SLC25A21: variants seen among roughly 807,000 people sequenced by gnomAD.
SLC25A21 encodes mitochondrial 2-oxodicarboxylate carrier.
Under a neutral mutation model 43.8 loss-of-function variants are expected in SLC25A21, and 47 were observed. The observed-to-expected ratio is 1.07, with a 90% CI of 0.85 to 1.37. The LOEUF is 1.37. Among genes scored for constraint, SLC25A21 ranks in the 40% most tolerant of loss-of-function variants. The pLI, the probability that SLC25A21 is intolerant of heterozygous loss-of-function variation, is 0.00. For synonymous variants in SLC25A21, 131 were observed against 121.3 expected, an observed-to-expected ratio of 1.08 and a Z score of -0.52; for missense variants, 352 against 350.2, an observed-to-expected ratio of 1.00 and a Z score of -0.04.
intron 1 of SLC25A21, among the ~76,000 whole-genome samples, chr14:37,080,730 T>A: frequency 6.6e-6 from 1 of 152,224 alleles, no homozygotes; most frequent in East Asian, 1.9e-4. Flanking sequence ...CATGATCAGC[T>A]GTATACTTAT....
intron 1 of SLC25A21, among the ~76,000 whole-genome samples, chr14:37,008,623 T>C (rs1460906813): frequency 6.6e-6 from 1 of 152,158 alleles, no homozygotes; most frequent in East Asian, 1.9e-4. Context: ...AAGCACCCCA[T>C]AATTTTAACC....
At chr14:36,961,422 GT>G (rs1233292194) in intron 1 of SLC25A21, among the ~76,000 whole-genome samples, 1 of 152,098 alleles carries the variant, frequency 6.6e-6, no homozygotes, top group Non-Finnish European at 1.5e-5. Context: ...CGCCGTACGT[GT>G]TTTTAATGAA....
chr14:36,892,024 A>G (rs1048095005), intron 1 of SLC25A21, among the ~76,000 whole-genome samples: 7 of 152,160 alleles, frequency 4.6e-5, no homozygotes, highest in African/African-American at 9.6e-5. Context: ...GTGGTTAAGC[A>G]TTACCCTGAT....
At chr14:36,872,781 AAAAGATAT>A (rs1476592356) in intron 2 of SLC25A21, among the ~76,000 whole-genome samples, 1 of 152,230 alleles carries the variant, frequency 6.6e-6, no homozygotes, top group African/African-American at 2.4e-5. Flanking sequence ...TATGTAACAA[AAAAGATAT>A]AAAGCCCCAG....
At chr14:37,104,579 C>T (rs1325388405) in intron 1 of SLC25A21, among the ~76,000 whole-genome samples, 2 of 152,094 alleles carry the variant, frequency 1.3e-5, no homozygotes, top group Non-Finnish European at 2.9e-5. Flanking sequence ...ATTACTATGG[C>T]CCGTGGCACA....
intron 1 of SLC25A21, among the ~76,000 whole-genome samples, chr14:36,973,583 G>A (rs1342126915): frequency 3.3e-5 from 5 of 152,256 alleles, no homozygotes; most frequent in African/African-American, 1.2e-4. Context: ...GAGCTCAAGA[G>A]AGAGGCTGGG....
intron 1 of SLC25A21, among the ~76,000 whole-genome samples, chr14:37,032,913 G>A (rs997398014): frequency 6.6e-6 from 1 of 152,126 alleles, no homozygotes; most frequent in African/African-American, 2.4e-5. Context: ...CTGTTACAAT[G>A]AAGAGTAAAC....
chr14:37,023,043 A>G (rs1566822464), intron 1 of SLC25A21, among the ~76,000 whole-genome samples: 2 of 151,962 alleles, frequency 1.3e-5, no homozygotes, highest in Admixed American at 6.6e-5. Context: ...TCAACACAAC[A>G]CAACTCTCAA....
intron 1 of SLC25A21, among the ~76,000 whole-genome samples, chr14:37,104,244 G>C (rs1347715896): frequency 1.3e-5 from 2 of 152,150 alleles, no homozygotes; most frequent in Non-Finnish European, 2.9e-5. Flanking sequence ...AAGGGAGCTT[G>C]TTCACCCCTT....
chr14:37,128,435 T>C (rs758197471), intron 1 of SLC25A21, among the ~76,000 whole-genome samples: 1 of 152,154 alleles, frequency 6.6e-6, no homozygotes, highest in Non-Finnish European at 1.5e-5. Flanking sequence ...GTTATTTCGA[T>C]GTGTTAATAC....
Position 36,679,865 on chromosome 14 carries a change from G to A in SLC25A21, c.*793C>T. The A allele has an allele frequency of 1.0e-6, 1 of 981,996 alleles. No individual in the cohort carries two copies. Among genetic ancestry groups the A allele is most frequent in the Non-Finnish European group, 1.2e-6 (1 of 826,874 alleles). 60.8% of individuals were successfully genotyped at this position (981,996 alleles called of 1,614,324 possible). A position where few individuals can be genotyped will look rare whatever the true frequency, so the allele number is the denominator to read the frequency against. On this transcript the variant is annotated 3_prime_UTR_variant, in exon 10 of 10. Transcript: ENST00000331299. ...CATCAACAAAACTTATCTTCAAAGAGAACTATGTGGAGGAAAGTAAATTTT... is the reference window on the plus strand; with the variant it reads ...CATCAACAAAACTTATCTTCAAAGAAAACTATGTGGAGGAAAGTAAATTTT...
chr14:36,807,974 T>C (rs534671655), intron 3 of SLC25A21, among the ~76,000 whole-genome samples: 1 of 152,198 alleles, frequency 6.6e-6, no homozygotes, highest in Non-Finnish European at 1.5e-5. Flanking sequence ...AAATGTCATT[T>C]AACTAGAAAA....
chr14:36,780,219 T>C (rs559439612), intron 3 of SLC25A21, among the ~76,000 whole-genome samples: 1 of 151,998 alleles, frequency 6.6e-6, no homozygotes, highest in Non-Finnish European at 1.5e-5. Context: ...TTTTGAGTCA[T>C]CTCTTATTTT....
chr14:36,849,180 T>C (rs541744845), intron 2 of SLC25A21, among the ~76,000 whole-genome samples: 1 of 152,220 alleles, frequency 6.6e-6, no homozygotes, highest in Non-Finnish European at 1.5e-5. Flanking sequence ...TGTGGGAGTT[T>C]GAGTTTGCTA....
rs186798339 is a variant in SLC25A21, at chr14:36,907,844, T to C, written c.71-32840A>G. Among the ~76,000 whole-genome samples, 237 of 152,330 alleles carry C rather than the reference T, an allele frequency of 1.6e-3. 1 individual carries two copies. The highest frequency in any genetic ancestry group is 5.4e-3 in the African/African-American group (224 of 41,588). ...AAAATATTTGTATTAGGGCAGCACATTGAAATAAGGTACAGTTCAAGGAAT... is the reference window on the plus strand; with the variant it reads ...AAAATATTTGTATTAGGGCAGCACACTGAAATAAGGTACAGTTCAAGGAAT... On this transcript the variant is annotated intron_variant, in intron 1 of 9. Transcript: ENST00000331299.
At chr14:36,712,696 A>G (rs752478232) in intron 6 of SLC25A21, among the ~76,000 whole-genome samples, 16 of 152,336 alleles carry the variant, frequency 1.1e-4, no homozygotes, top group Non-Finnish European at 8.8e-5. Context: ...AATTACAATC[A>G]ATTACAATAA....
At position 37,102,005 on chromosome 14, in the gene SLC25A21, C is replaced by A. The variant is rs114651599; in HGVS notation, c.70+70276G>T. 5.0e-3 allele frequency among the ~76,000 whole-genome samples: 763 copies of A among 152,232 alleles called. 7 individuals are homozygous for A. The highest frequency in any genetic ancestry group is 0.017 in the African/African-American group (713 of 41,518). ...GTTTCACAAATATCATGCTGCATCA[C>A]ATGAGTTAATGAACATAAAAATAAC... On this transcript the variant is annotated intron_variant, in intron 1 of 9. Coordinates refer to ENST00000331299, the MANE Select transcript of SLC25A21 (RefSeq NM_030631.4).
chr14:36,961,973 G>T (rs1260308756), intron 1 of SLC25A21, among the ~76,000 whole-genome samples: 7 of 152,072 alleles, frequency 4.6e-5, no homozygotes, highest in Admixed American at 4.6e-4. Context: ...GCAATTAGGG[G>T]TGCCACTTCC....
chr14:37,129,229 C>T (rs909918784), intron 1 of SLC25A21, among the ~76,000 whole-genome samples: 3 of 152,196 alleles, frequency 2.0e-5, no homozygotes, highest in South Asian at 4.1e-4. Context: ...ATAATAACAG[C>T]TATACTCCAC....
Sources: gnomAD v4.1 joint callset for allele counts (sites outside exome capture counted in the v4.1 genomes callset) on GRCh38, gnomAD v4.1.1 for gene constraint, MANE v1.5 for transcripts, NCBI Gene and HGNC (gene_info 2026-07-23, HGNC 2026-07-21) for gene names.